The following CACNA1E variants were observed in gnomAD, a reference collection of about 807,000 sequenced individuals.
CACNA1E encodes calcium voltage-gated channel subunit alpha1 E.
A neutral mutation model predicts 259.2 loss-of-function variants in CACNA1E; 40 were observed. The observed-to-expected ratio is 0.15, with a 90% confidence interval of 0.12 to 0.20. CACNA1E has a LOEUF of 0.20. Among genes scored for constraint, CACNA1E ranks in the 10% least tolerant of loss-of-function variants. The pLI is 1.00. For synonymous variants in CACNA1E, 1,104 were observed against 1,138.5 expected (o/e 0.97, Z 0.61); for missense variants, 1,874 against 3,040.1 (o/e 0.62, Z 9.02).
intron 1 of CACNA1E, among the ~76,000 whole-genome samples, chr1:181,505,566 G>A (rs757762185): frequency 3.9e-5 from 6 of 151,948 alleles, no homozygotes; most frequent in Non-Finnish European, 5.9e-5. Flanking sequence ...AGTAGAGATG[G>A]GGTTTCACCG....
rs141611496 is a variant in CACNA1E, at chr1:181,379,057, A to G, written c.-14-34076A>G. On this transcript the variant is annotated intron_variant, in intron 1 of 11. Transcript: ENST00000524607. ...AATTGAGGTAAATGTAAGAATTAGT[A>G]GACAAGGACATTAAAATCATTATTA... is the stretch of plus-strand genomic sequence containing the variant. Among the ~76,000 whole-genome samples, 92 of 152,356 alleles carry G rather than the reference A, an allele frequency of 6.0e-4. 1 individual carries two copies. The highest frequency in any genetic ancestry group is 2.2e-3 in the African/African-American group (90 of 41,586).
intron 18 of CACNA1E, among the ~76,000 whole-genome samples, chr1:181,728,777 T>C (rs1470675251): frequency 6.7e-6 from 1 of 148,698 alleles, no homozygotes; most frequent in Non-Finnish European, 1.5e-5. Flanking sequence ...TGTGCCCTGC[T>C]CAGCTATGTG....
At chr1:181,783,633 ATTTTT>A in intron 39 of CACNA1E, 41 bp from the exon 40 acceptor site, 2 of 872,310 alleles carry the variant, frequency 2.3e-6, no homozygotes, top group Non-Finnish European at 1.8e-6. Flanking sequence ...ATGTCTTTCA[ATTTTT>A]TTTTTTTTTG....
At chr1:181,669,438 A>G (rs937877124) in intron 7 of CACNA1E, among the ~76,000 whole-genome samples, 2 of 151,920 alleles carry the variant, frequency 1.3e-5, no homozygotes, top group Admixed American at 6.6e-5. Context: ...ACTTCCACCC[A>G]CTGCTGTATT....
intron 3 of CACNA1E, among the ~76,000 whole-genome samples, chr1:181,544,442 A>C (rs1647240837): frequency 6.6e-6 from 1 of 152,192 alleles, no homozygotes; most frequent in Admixed American, 6.5e-5. Context: ...TAGAAGGGTA[A>C]ATTATGTGGT....
At chr1:181,371,103 C>T (rs1654677315) in intron 1 of CACNA1E, among the ~76,000 whole-genome samples, 1 of 152,050 alleles carries the variant, frequency 6.6e-6, no homozygotes, top group Non-Finnish European at 1.5e-5. Flanking sequence ...GTCCTTTGCC[C>T]ATTTTTAAAT....
intron 6 of CACNA1E, among the ~76,000 whole-genome samples, chr1:181,618,083 C>T (rs746906832): frequency 5.3e-5 from 8 of 152,094 alleles, no homozygotes; most frequent in South Asian, 2.1e-4. Context: ...AATTCGCCTA[C>T]GGTGCTGTTT....
At chr1:181,539,387 T>TGAATG (rs1274540644) in intron 3 of CACNA1E, among the ~76,000 whole-genome samples, 5 of 151,938 alleles carry the variant, frequency 3.3e-5, no homozygotes, top group African/African-American at 7.3e-5. Flanking sequence ...ACAAGCTAAT[T>TGAATG]AATGAATTAA....
intron 2 of CACNA1E, among the ~76,000 whole-genome samples, chr1:181,414,795 G>A (rs1658139158): frequency 6.6e-6 from 1 of 152,210 alleles, no homozygotes; most frequent in South Asian, 2.1e-4. Context: ...TTGTTACTGT[G>A]ATTTGATATT....
rs1296347741 is a variant in CACNA1E at position 181,453,099 on chromosome 1, T to C, written c.435-30645T>C. Among the ~76,000 whole-genome samples, 3 of 152,244 alleles carry C rather than the reference T, an allele frequency of 2.0e-5. No individual in the cohort carries two copies. The East Asian group carries it at 5.8e-4, about 29-fold the overall frequency. Reference sequence around the variant, plus strand: ...ATCTCAAGTAGTTGGATCTAATAATTCCTTTGTTCTCAGAAATTGTACGTT... The same window carrying C: ...ATCTCAAGTAGTTGGATCTAATAATCCCTTTGTTCTCAGAAATTGTACGTT... On this transcript the variant is annotated intron_variant, in intron 2 of 11. Coordinates refer to the CACNA1E transcript ENST00000524607.
chr1:181,345,887 C>T (rs947076430), intron 1 of CACNA1E, among the ~76,000 whole-genome samples: 3 of 152,128 alleles, frequency 2.0e-5, no homozygotes, highest in African/African-American at 7.2e-5. Context: ...AGAGTGGCCA[C>T]AGGAAGGAGG....
At chr1:181,734,124 T>A (rs764661491) in intron 21 of CACNA1E, among the ~76,000 whole-genome samples, 1 of 152,086 alleles carries the variant, frequency 6.6e-6, no homozygotes, top group African/African-American at 2.4e-5. Flanking sequence ...TCTGATGGAG[T>A]GGACCATGGC....
At chr1:181,754,587 G>A (rs924032377) in intron 27 of CACNA1E, among the ~76,000 whole-genome samples, 2 of 152,082 alleles carry the variant, frequency 1.3e-5, no homozygotes, top group African/African-American at 4.8e-5. Flanking sequence ...ACCCAGCCTC[G>A]CCATCTCTAA....
intron 7 of CACNA1E, among the ~76,000 whole-genome samples, chr1:181,695,184 A>C (rs1241293700): frequency 6.6e-6 from 1 of 152,240 alleles, no homozygotes; most frequent in Non-Finnish European, 1.5e-5. Flanking sequence ...AAAGATGTCA[A>C]GACCTTTCTA....
chr1:181,795,369 TG>T (rs1661696298), intron 46 of CACNA1E, among the ~76,000 whole-genome samples: 2 of 152,176 alleles, frequency 1.3e-5, no homozygotes, highest in South Asian at 4.1e-4. Flanking sequence ...AGAGACCCAC[TG>T]TAAGGACTGA....
chr1:181,788,265 G>A (rs938595799), intron 43 of CACNA1E, among the ~76,000 whole-genome samples: 1 of 152,138 alleles, frequency 6.6e-6, no homozygotes, highest in Non-Finnish European at 1.5e-5. Context: ...GTGCATGTTG[G>A]TACATTTCCT....
chr1:181,544,694 ATTG>A (rs747560393), intron 3 of CACNA1E, among the ~76,000 whole-genome samples: 13 of 151,982 alleles, frequency 8.6e-5, no homozygotes, highest in Non-Finnish European at 1.8e-4. Context: ...ATAAATGTTT[ATTG>A]TTGTTCTATT....
intron 21 of CACNA1E, among the ~76,000 whole-genome samples, chr1:181,735,165 T>C (rs567896239): frequency 1.3e-5 from 2 of 152,236 alleles, no homozygotes; most frequent in Non-Finnish European, 2.9e-5. Context: ...GTCCAGTGCA[T>C]GCTTCAGTTG....
intron 46 of CACNA1E, among the ~76,000 whole-genome samples, chr1:181,795,689 G>A (rs1032336870): frequency 2.0e-5 from 3 of 150,470 alleles, no homozygotes; most frequent in South Asian, 2.1e-4. Flanking sequence ...ATCCGCCCGC[G>A]TAGGCCTCCC....
Sources: gnomAD v4.1 joint callset for allele counts (sites outside exome capture counted in the v4.1 genomes callset) on GRCh38, gnomAD v4.1.1 for gene constraint, MANE v1.5 for transcripts, NCBI Gene and HGNC (gene_info 2026-07-23, HGNC 2026-07-21) for gene names.